TRAPPC9: variants seen among roughly 807,000 people sequenced by gnomAD.
The protein encoded by TRAPPC9 is trafficking protein particle complex subunit 9, also known as IKK2 binding protein.
In TRAPPC9, 83 loss-of-function variants were observed where a neutral mutation model predicts 124.0. The observed-to-expected ratio is 0.67, with a 90% CI of 0.56 to 0.80. TRAPPC9 has a LOEUF of 0.80. Ranked by LOEUF, TRAPPC9 falls within the 30% of genes least tolerant of loss-of-function variation. The pLI, the probability that TRAPPC9 is intolerant of heterozygous loss-of-function variation, is 0.00. For synonymous variants in TRAPPC9, 638 were observed against 617.5 expected, an observed-to-expected ratio of 1.03 and a Z score of -0.49; for missense variants, 1,302 against 1,508.3, an observed-to-expected ratio of 0.86 and a Z score of 2.27.
intron 21 of TRAPPC9, among the ~76,000 whole-genome samples, chr8:139,847,667 G>A (rs1827177060): frequency 6.6e-6 from 1 of 151,838 alleles, no homozygotes; most frequent in Non-Finnish European, 1.5e-5. Context: ...GCCTGGGGAT[G>A]GGCATGAGCA....
At chr8:140,345,627 G>A (rs911121216) in intron 9 of TRAPPC9, among the ~76,000 whole-genome samples, 10 of 152,174 alleles carry the variant, frequency 6.6e-5, no homozygotes, top group Non-Finnish European at 1.3e-4. Flanking sequence ...TGTCCCTTCC[G>A]ACTAAATGCT....
chr8:140,139,143 A>G (rs936478927), intron 17 of TRAPPC9, among the ~76,000 whole-genome samples: 2 of 152,210 alleles, frequency 1.3e-5, no homozygotes, highest in African/African-American at 4.8e-5. Context: ...CCTTGAAGTC[A>G]AGAGTCCAAT....
At chr8:140,000,712 C>T (rs185073886) in intron 18 of TRAPPC9, among the ~76,000 whole-genome samples, 177 of 152,238 alleles carry the variant, frequency 1.2e-3, no homozygotes, top group Non-Finnish European at 2.3e-3. Flanking sequence ...GAATGGCAAT[C>T]ATTAAAAAGT....
At chr8:139,738,653 G>A (rs1024612833) in intron 21 of TRAPPC9, among the ~76,000 whole-genome samples, 5 of 152,320 alleles carry the variant, frequency 3.3e-5, no homozygotes, top group South Asian at 2.1e-4. Flanking sequence ...AGAACCACAC[G>A]GCGGGGTTAT....
chr8:139,829,976 A>G (rs921025817), intron 21 of TRAPPC9, among the ~76,000 whole-genome samples: 5 of 152,174 alleles, frequency 3.3e-5, no homozygotes, highest in African/African-American at 1.2e-4. Flanking sequence ...TCCTCTCTAC[A>G]TGCATGGGTA....
At chr8:139,952,775 C>T (rs182810387) in intron 19 of TRAPPC9, among the ~76,000 whole-genome samples, 2 of 152,240 alleles carry the variant, frequency 1.3e-5, no homozygotes, top group Admixed American at 6.5e-5. Context: ...AGTGTCGATG[C>T]TGTTCTCTAC....
At chr8:140,093,623 G>A (rs867342405) in intron 17 of TRAPPC9, among the ~76,000 whole-genome samples, 12 of 151,250 alleles carry the variant, frequency 7.9e-5, no homozygotes, top group Admixed American at 3.3e-4. Context: ...AGCCAAGATC[G>A]TGCCACTGCA....
At chr8:140,349,241 A>ACACCAGGGGGCCGAAGGAGGCGGG (rs2067455321) in intron 9 of TRAPPC9, among the ~76,000 whole-genome samples, 1 of 50,606 alleles carries the variant, frequency 2.0e-5, no homozygotes, top group African/African-American at 7.5e-5. Flanking sequence ...AAGGGGGCAC[A>ACACCAGGGGGCCGAAGGAGGCGGG]CGACGGAAGG....
Position 140,450,842 on chromosome 8 carries a change from G to A in TRAPPC9, c.532C>T (p.Leu178Phe), listed in dbSNP as rs577944580. 3.1e-6 allele frequency: 5 copies of A among 1,613,678 alleles called. No individual in the cohort carries two copies. The East Asian group carries it at 1.1e-4, about 36-fold the overall frequency. ...TDKSGDKIPL[L>F]CVPFEKKDFV... The stretch of plus-strand genomic sequence containing the variant: ...TCCTTTTTCTCAAACGGGACACAGA[G>A]AAGGGGGATCTTATCCCCAGACTTG... Residue 178 changes from leucine to phenylalanine, a missense_variant, in exon 2 of 23, where the codon CTC (leucine) becomes TTC (phenylalanine). Transcript: ENST00000438773.
At chr8:140,080,981 G>GT (rs1454160628) in intron 17 of TRAPPC9, among the ~76,000 whole-genome samples, 1 of 152,176 alleles carries the variant, frequency 6.6e-6, no homozygotes, top group Admixed American at 6.5e-5. Flanking sequence ...AGCCCATGGT[G>GT]TCCACGGTAC....
chr8:140,007,975 G>T (rs2131832102), intron 18 of TRAPPC9, among the ~76,000 whole-genome samples: 2 of 152,320 alleles, frequency 1.3e-5, no homozygotes, highest in Admixed American at 6.5e-5. Context: ...ACAAGTGGAT[G>T]ACACATGGAA....
chr8:140,307,878 C>G lies in TRAPPC9; in HGVS notation c.1622+3370G>C, dbSNP rs866913826. Among the ~76,000 whole-genome samples the G allele has an allele frequency of 9.2e-5, 14 of 152,304 alleles. 1 individual carries two copies. Among genetic ancestry groups the G allele is most frequent in the Middle Eastern group, 6.8e-3 (2 of 294 alleles). On this transcript the variant is annotated intron_variant, in intron 10 of 22. Transcript: ENST00000438773. The stretch of plus-strand genomic sequence containing the variant: ...CCATCTGGTAATCTTGAGGTAAAGA[C>G]AGAGTTACAGAGAGGCCACCTGTTT...
At chr8:140,044,015 G>T (rs114578678) in intron 17 of TRAPPC9, among the ~76,000 whole-genome samples, 14 of 152,084 alleles carry the variant, frequency 9.2e-5, no homozygotes, top group African/African-American at 3.4e-4. Flanking sequence ...CATTCCTGCC[G>T]TACCTGGCAG....
chr8:139,811,810 A>G (rs1824461793), intron 21 of TRAPPC9, among the ~76,000 whole-genome samples: 1 of 152,262 alleles, frequency 6.6e-6, no homozygotes, highest in Non-Finnish European at 1.5e-5. Context: ...GATTTAAGAT[A>G]TATTTTTTTG....
intron 21 of TRAPPC9, among the ~76,000 whole-genome samples, chr8:139,769,104 T>C (rs1159843856): frequency 6.6e-6 from 1 of 152,196 alleles, no homozygotes; most frequent in Non-Finnish European, 1.5e-5. Context: ...ACACAGTCTG[T>C]AGTGCTTTGT....
intron 19 of TRAPPC9, among the ~76,000 whole-genome samples, chr8:139,912,222 A>G (rs1015762378): frequency 1.3e-5 from 2 of 152,228 alleles, no homozygotes; most frequent in South Asian, 2.1e-4. Context: ...CACTACATAT[A>G]TATGTATAAA....
intron 9 of TRAPPC9, among the ~76,000 whole-genome samples, chr8:140,331,948 A>T (rs751958421): frequency 2.0e-5 from 3 of 152,254 alleles, no homozygotes; most frequent in Non-Finnish European, 2.9e-5. Flanking sequence ...TAGAACTATC[A>T]CATGATCCAG....
At position 139,967,866 on chromosome 8, in the gene TRAPPC9, C is replaced by T. The variant is rs185922205; in HGVS notation, c.2810+20860G>A. Among the ~76,000 whole-genome samples the T allele has an allele frequency of 2.5e-3, 384 of 152,262 alleles. 4 individuals are homozygous for T. The highest frequency in any genetic ancestry group is 7.5e-3 in the African/African-American group (311 of 41,548). On this transcript the variant is annotated intron_variant, in intron 19 of 22. Transcript: ENST00000438773. ...AAAAAAACACAATGGTGGCCGGGCG[C>T]GGTGGCTCACACCTATAATCCCAGC...
intron 9 of TRAPPC9, among the ~76,000 whole-genome samples, chr8:140,359,214 A>G (rs1471716465): frequency 6.6e-6 from 1 of 151,954 alleles, no homozygotes; most frequent in Non-Finnish European, 1.5e-5. Flanking sequence ...CTTCCCTTCT[A>G]CGGGGCTGAT....
Sources: gnomAD v4.1 joint callset for allele counts (sites outside exome capture counted in the v4.1 genomes callset) on GRCh38, gnomAD v4.1.1 for gene constraint, MANE v1.5 for transcripts, NCBI Gene and HGNC (gene_info 2026-07-23, HGNC 2026-07-21) for gene names.